The following CPXM2 variants were observed in gnomAD, a reference collection of about 807,000 sequenced individuals.
The protein encoded by CPXM2 is inactive carboxypeptidase-like protein X2.
In CPXM2, 66 loss-of-function variants were observed where a neutral mutation model predicts 86.1. The observed-to-expected ratio is 0.77, with a 90% CI of 0.63 to 0.94. CPXM2 has a LOEUF of 0.94. Among genes scored for constraint, CPXM2 ranks in the 40% least tolerant of loss-of-function variants. The pLI, the probability that CPXM2 is intolerant of heterozygous loss-of-function variation, is 0.00. For missense variants in CPXM2, 948 were observed against 1,026.3 expected (o/e 0.92, Z 1.04); for synonymous variants, 388 against 400.2 (o/e 0.97, Z 0.36).
intron 2 of CPXM2, among the ~76,000 whole-genome samples, chr10:123,871,561 T>C (rs1944896680): frequency 6.6e-6 from 1 of 152,224 alleles, no homozygotes; most frequent in Non-Finnish European, 1.5e-5. Context: ...TTAATGTTTT[T>C]ATTTAAATCA....
rs182348273 is a variant in CPXM2 at position 123,866,345 on chromosome 10, A to T, written c.404-3622T>A. Among the ~76,000 whole-genome samples, 620 of 152,084 alleles carry T rather than the reference A, an allele frequency of 4.1e-3. 3 individuals carry two copies. Among genetic ancestry groups the T allele is most frequent in the African/African-American group, 0.014 (592 of 41,496 alleles). On this transcript the variant is annotated intron_variant, in intron 2 of 13. Coordinates refer to ENST00000241305, the MANE Select transcript of CPXM2 (RefSeq NM_198148.3). ...TTGGGAGGCCGAGGCAGGTGGATCA[A>T]TTGAGGTCAGGATTTCGAGACCAGC...
intron 13 of CPXM2, chr10:123,752,028 TCTCACATTGC>T (rs1225447944): frequency 3.6e-5 from 35 of 985,332 alleles, no homozygotes; most frequent in Non-Finnish European, 3.9e-5. Context: ...TCCCACATTT[TCTCACATTGC>T]ATACAAAGCA....
chr10:123,929,323 C>A (rs1382724468), intron 2 of CPXM2, among the ~76,000 whole-genome samples: 2 of 152,168 alleles, frequency 1.3e-5, no homozygotes, highest in Non-Finnish European at 2.9e-5. Context: ...GGCACTGGTG[C>A]CTTGGCAATC....
chr10:123,799,087 G>C (rs1248369487), intron 5 of CPXM2, 28 bp downstream of exon 5: 1 of 1,612,328 alleles, frequency 6.2e-7, no homozygotes. Context: ...AGGAAGAAAG[G>C]CATGGTTAAA....
At chr10:123,841,129 G>T (rs142914781) in intron 4 of CPXM2, among the ~76,000 whole-genome samples, 143 of 152,254 alleles carry the variant, frequency 9.4e-4, no homozygotes, top group Admixed American at 2.2e-3. Context: ...GTCGGCAGAT[G>T]TTAGAAGAAT....
At chr10:123,862,410 A>G (rs1848869448) in intron 3 of CPXM2, among the ~76,000 whole-genome samples, 1 of 152,138 alleles carries the variant, frequency 6.6e-6, no homozygotes, top group South Asian at 2.1e-4. Context: ...TCTCACTTTT[A>G]CTCACGACAG....
intron 2 of CPXM2, among the ~76,000 whole-genome samples, chr10:123,937,465 AAAACAAC>A (rs1313531890): frequency 1.2e-3 from 162 of 139,900 alleles, no homozygotes; most frequent in East Asian, 1.5e-3. Context: ...ACAAGACAAC[AAAACAAC>A]ACACACACAC....
intron 3 of CPXM2, chr10:123,843,139 A>T: frequency 6.5e-6 from 2 of 307,732 alleles, no homozygotes; most frequent in South Asian, 2.8e-5. Flanking sequence ...TTTTTCAGAG[A>T]TGGAGTCTTG....
intron 4 of CPXM2, among the ~76,000 whole-genome samples, chr10:123,809,708 A>ATGTG (rs200631395): frequency 0.059 from 8,983 of 152,152 alleles, 311 homozygotes; most frequent in South Asian, 0.1. Flanking sequence ...TAGGTATCCT[A>ATGTG]TTATTGTTAA....
chr10:123,794,403 T>C (rs1564772579), intron 6 of CPXM2, among the ~76,000 whole-genome samples: 1 of 152,196 alleles, frequency 6.6e-6, no homozygotes, highest in Admixed American at 6.5e-5. Context: ...GCTAGGATGC[T>C]GGGTGCCAAC....
At chr10:123,935,137 G>A (rs1301432751) in intron 2 of CPXM2, among the ~76,000 whole-genome samples, 2 of 152,196 alleles carry the variant, frequency 1.3e-5, no homozygotes, top group Non-Finnish European at 2.9e-5. Context: ...GCAAAGGCCT[G>A]TCAGAGCCTG....
chr10:123,835,401 T>C (rs925169297), intron 4 of CPXM2, among the ~76,000 whole-genome samples: 2 of 152,226 alleles, frequency 1.3e-5, no homozygotes, highest in East Asian at 3.8e-4. Context: ...AACGAGCCCC[T>C]TGTGAAAGCT....
At chr10:123,768,813 G>A (rs1374035590) in intron 8 of CPXM2, 91 bp from the exon 9 acceptor site, 1 of 1,146,432 alleles carries the variant, frequency 8.7e-7, no homozygotes, top group African/African-American at 1.5e-5. Flanking sequence ...GGAAAGTCTT[G>A]AATAATATAA....
intron 4 of CPXM2, among the ~76,000 whole-genome samples, chr10:123,841,710 T>C (rs1338710639): frequency 6.6e-6 from 1 of 152,220 alleles, no homozygotes; most frequent in Admixed American, 6.5e-5. Flanking sequence ...CTGAATAATA[T>C]GTTTCACTGT....
chr10:123,936,596 C>G (rs918869883), intron 2 of CPXM2, among the ~76,000 whole-genome samples: 2 of 152,220 alleles, frequency 1.3e-5, no homozygotes, highest in Admixed American at 6.5e-5. Context: ...CTCCCAGAAG[C>G]CTTGCAAAGG....
At chr10:123,761,237 T>C (rs1410654337) in intron 11 of CPXM2, among the ~76,000 whole-genome samples, 1 of 152,172 alleles carries the variant, frequency 6.6e-6, no homozygotes, top group African/African-American at 2.4e-5. Context: ...GACCGCAGGC[T>C]GTGGGTATGA....
chr10:123,942,537 G>A (rs55708692), upstream of CPXM2, among the ~76,000 whole-genome samples: 452 of 152,246 alleles, frequency 3.0e-3, 6 homozygotes, highest in South Asian at 8.7e-3. Flanking sequence ...CCAGCACCAC[G>A]ACAGTTTACA....
chr10:123,747,425 A>C (rs1413897748), intron 13 of CPXM2, among the ~76,000 whole-genome samples: 1 of 152,156 alleles, frequency 6.6e-6, no homozygotes. Flanking sequence ...GTACACAACA[A>C]CCATTTTTCA....
At chr10:123,804,679 TTTC>T (rs1847539919) in intron 4 of CPXM2, among the ~76,000 whole-genome samples, 1 of 152,038 alleles carries the variant, frequency 6.6e-6, no homozygotes, top group Non-Finnish European at 1.5e-5. Context: ...AGGTCCTCTA[TTTC>T]TTCTTCTTGT....
Sources: gnomAD v4.1 joint callset for allele counts (sites outside exome capture counted in the v4.1 genomes callset) on GRCh38, gnomAD v4.1.1 for gene constraint, MANE v1.5 for transcripts, NCBI Gene and HGNC (gene_info 2026-07-23, HGNC 2026-07-21) for gene names.